Variants in KIF3B observed in about 807,000 individuals in gnomAD.
The protein encoded by KIF3B is kinesin family member 3B, also known as kinesin-like protein KIF3B.
Under a neutral mutation model 74.3 loss-of-function variants are expected in KIF3B, and 38 were observed. That is an observed-to-expected ratio of 0.51 (90% CI 0.39 to 0.67). The LOEUF is 0.67. Ranked by LOEUF, KIF3B falls within the 30% of genes least tolerant of loss-of-function variation. The pLI is 0.00. For synonymous variants in KIF3B, 326 were observed against 342.5 expected (o/e 0.95, Z 0.53); for missense variants, 649 against 932.0 (o/e 0.70, Z 3.95).
intron 1 of KIF3B, among the ~76,000 whole-genome samples, chr20:32,298,134 T>TA: frequency 6.6e-6 from 1 of 150,420 alleles, no homozygotes; most frequent in East Asian, 2.0e-4. Context: ...TGTTGTTTTT[T>TA]TGAATTAAAA....
intron 5 of KIF3B, among the ~76,000 whole-genome samples, chr20:32,317,519 C>T (rs966560691): frequency 2.6e-5 from 4 of 152,098 alleles, no homozygotes; most frequent in African/African-American, 9.7e-5. Context: ...GTACCCATCA[C>T]CCAGATTCAA....
At chr20:32,285,633 C>T (rs950041080) in intron 1 of KIF3B, among the ~76,000 whole-genome samples, 9 of 152,302 alleles carry the variant, frequency 5.9e-5, no homozygotes, top group Middle Eastern at 3.4e-3. Flanking sequence ...GTGACTCAAC[C>T]TCTCTAGGCC....
chr20:32,308,291 A>T (rs1472441506), intron 1 of KIF3B, among the ~76,000 whole-genome samples: 1 of 152,166 alleles, frequency 6.6e-6, no homozygotes, highest in Non-Finnish European at 1.5e-5. Flanking sequence ...TGACACGATC[A>T]TAGCTCACTG....
rs114064369 is a variant in KIF3B at position 32,329,644 on chromosome 20, T to G, written c.1969-497T>G. On this transcript the variant is annotated intron_variant, in intron 7 of 8. Coordinates refer to ENST00000375712, the MANE Select transcript of KIF3B (RefSeq NM_004798.4). ...TGGCTGAACTAGGATACACAACGTA[T>G]TAAGTTATAGAGTAATTTACACCAG... Among the ~76,000 whole-genome samples, 229 of 152,300 alleles carry G rather than the reference T, an allele frequency of 1.5e-3. 2 individuals carry two copies. Among genetic ancestry groups the G allele is most frequent in the African/African-American group, 5.1e-3 (211 of 41,564 alleles).
At chr20:32,279,966 T>TTACCTCTGAAATGATGCTCAG (rs1227021206) in intron 1 of KIF3B, among the ~76,000 whole-genome samples, 1 of 152,332 alleles carries the variant, frequency 6.6e-6, no homozygotes, top group Non-Finnish European at 1.5e-5. Flanking sequence ...AGGTGCTACT[T>TTACCTCTGAAATGATGCTCAG]TACCTCTGAA....
intron 1 of KIF3B, among the ~76,000 whole-genome samples, chr20:32,278,921 C>CTTTT (rs57355936): frequency 0.015 from 1,805 of 118,334 alleles, 59 homozygotes; most frequent in East Asian, 0.043. Flanking sequence ...CTTAAGAATC[C>CTTTT]TTTTTTTTTT....
At position 32,299,394 on chromosome 20, in the gene KIF3B, TATATA is replaced by T. The variant is rs1291830502; in HGVS notation, c.-65-10318_-65-10314del. On this transcript the variant is annotated intron_variant, in intron 1 of 8. Coordinates refer to ENST00000375712, the MANE Select transcript of KIF3B (RefSeq NM_004798.4). ...TGGTGTGTGTGTATATATATATATA[TATATA>T]TATATTTTTTTTTTTTTTTTTTTTT... is the stretch of plus-strand genomic sequence containing the variant. Among the ~76,000 whole-genome samples, 29 of 54,830 alleles carry T rather than the reference TATATA, an allele frequency of 5.3e-4. No homozygotes were observed. The East Asian group carries it at 7.6e-3, about 14-fold the overall frequency. The allele number at this position is 54,830 out of a possible 152,430, so 36.0% of individuals were successfully genotyped here. A position where few individuals can be genotyped will look rare whatever the true frequency, so the allele number is the denominator to read the frequency against.
chr20:32,325,055 ATG>A (rs987137761), intron 5 of KIF3B, among the ~76,000 whole-genome samples: 8 of 152,162 alleles, frequency 5.3e-5, no homozygotes, highest in Admixed American at 6.5e-5. Context: ...AATTAATTAA[ATG>A]TGTGTGTCGG....
intron 5 of KIF3B, among the ~76,000 whole-genome samples, chr20:32,324,378 AAC>A (rs1432228642): frequency 6.6e-6 from 1 of 152,176 alleles, no homozygotes; most frequent in African/African-American, 2.4e-5. Context: ...GGGATTGTTA[AAC>A]ACAGATTGCT....
intron 1 of KIF3B, among the ~76,000 whole-genome samples, chr20:32,295,385 C>T (rs182873861): frequency 3.9e-5 from 6 of 152,116 alleles, no homozygotes; most frequent in East Asian, 3.9e-4. Context: ...CTCCGCCTCC[C>T]GGGTTCACAC....
chr20:32,321,077 GT>G (rs2047857357), intron 5 of KIF3B, among the ~76,000 whole-genome samples: 1 of 152,064 alleles, frequency 6.6e-6, no homozygotes, highest in African/African-American at 2.4e-5. Context: ...ATATCTAGTT[GT>G]TCCAGCACCA....
chr20:32,299,394 TA>T (rs2047731448), intron 1 of KIF3B, among the ~76,000 whole-genome samples: 120 of 54,796 alleles, frequency 2.2e-3, no homozygotes, highest in East Asian at 0.02. Context: ...TATATATATA[TA>T]TATATATATT....
rs971232485 is a variant in KIF3B, at chr20:32,333,449, A to T, written c.*2130A>T. ...GGACTTCAAGACCAGCCTGGCCAACATGGTGAAACCCCATCTGTACTAAAA... is the reference window on the plus strand; with the variant it reads ...GGACTTCAAGACCAGCCTGGCCAACTTGGTGAAACCCCATCTGTACTAAAA... On this transcript the variant is annotated 3_prime_UTR_variant, in exon 9 of 9. Coordinates refer to ENST00000375712, the MANE Select transcript of KIF3B (RefSeq NM_004798.4). The T allele has an allele frequency of 1.3e-5, 2 of 152,000 alleles. No individual in the cohort carries two copies. Among genetic ancestry groups the T allele is most frequent in the South Asian group, 4.1e-4 (2 of 4,822 alleles). 9.4% of individuals were successfully genotyped at this position (152,000 alleles called of 1,614,324 possible). A position where few individuals can be genotyped will look rare whatever the true frequency, so the allele number is the denominator to read the frequency against.
Position 32,331,427 on chromosome 20 carries a change from A to G in KIF3B, c.*108A>G. ...GCCCAAACTCAGAACTGTTCCCCTGAGGAGAAGCGGTGGCCTCTTTGCAGA... is the reference window on the plus strand; with the variant it reads ...GCCCAAACTCAGAACTGTTCCCCTGGGGAGAAGCGGTGGCCTCTTTGCAGA... On this transcript the variant is annotated 3_prime_UTR_variant, in exon 9 of 9. Coordinates refer to ENST00000375712, the MANE Select transcript of KIF3B (RefSeq NM_004798.4). The G allele has an allele frequency of 1.2e-6, 1 of 846,432 alleles. No individual in the cohort carries two copies. Among genetic ancestry groups the G allele is most frequent in the Non-Finnish European group, 1.9e-6 (1 of 537,166 alleles). 52.4% of individuals were successfully genotyped at this position (846,432 alleles called of 1,614,324 possible).
Position 32,317,175 on chromosome 20 carries a change from T to A in KIF3B, c.1748+301T>A, listed in dbSNP as rs370905093. 5.9e-5 allele frequency among the ~76,000 whole-genome samples: 9 copies of A among 151,924 alleles called. No individual in the cohort carries two copies. The South Asian group carries it at 1.7e-3, about 28-fold the overall frequency. On this transcript the variant is annotated intron_variant, in intron 5 of 8. Coordinates refer to ENST00000375712, the MANE Select transcript of KIF3B (RefSeq NM_004798.4). ...TCGCTTGAACCCGGGAAGTGGAGAT[T>A]GCGGTGAGTTGATATCGTGCCACTG...
rs1321650522 is a variant in KIF3B at position 32,322,680 on chromosome 20, TTA to T, written c.1749-4083_1749-4082del. 7.8e-4 allele frequency among the ~76,000 whole-genome samples: 24 copies of T among 30,634 alleles called. 3 individuals are homozygous for T. Among genetic ancestry groups the T allele is most frequent in the Non-Finnish European group, 1.0e-3 (22 of 21,822 alleles). The allele number at this position is 30,634 out of a possible 152,430, so 20.1% of individuals were successfully genotyped here. On this transcript the variant is annotated intron_variant, in intron 5 of 8. Coordinates refer to ENST00000375712, the MANE Select transcript of KIF3B (RefSeq NM_004798.4). Reference sequence around the variant, plus strand: ...TATATTTATATATATATTTATATATTTATATATATTTATATATATTTATATAT... The same window carrying T: ...TATATTTATATATATATTTATATATTTATATATTTATATATATTTATATAT...
intron 1 of KIF3B, among the ~76,000 whole-genome samples, chr20:32,285,973 T>G (rs971512562): frequency 2.0e-5 from 3 of 152,206 alleles, no homozygotes; most frequent in Admixed American, 6.6e-5. Flanking sequence ...ATTGAGCTCT[T>G]CACACAGGAA....
At chr20:32,305,029 T>G (rs2047762772) in intron 1 of KIF3B, among the ~76,000 whole-genome samples, 1 of 151,466 alleles carries the variant, frequency 6.6e-6, no homozygotes, top group African/African-American at 2.4e-5. Flanking sequence ...GTGCCTGTAG[T>G]CCCAGCTACT....
chr20:32,332,215 T>C lies in KIF3B; in HGVS notation c.*896T>C, dbSNP rs1000353805. On this transcript the variant is annotated 3_prime_UTR_variant, in exon 9 of 9. Transcript: ENST00000375712. Reference sequence around the variant, plus strand: ...GAGCATGCTCTGCAGTGGGCCTGTTTTGTGGAAGAAAGGAGGCTGTCTCTG... The same window carrying C: ...GAGCATGCTCTGCAGTGGGCCTGTTCTGTGGAAGAAAGGAGGCTGTCTCTG... 14 of 152,676 alleles carry C rather than the reference T, an allele frequency of 9.2e-5. No individual in the cohort carries two copies. Among genetic ancestry groups the C allele is most frequent in the African/African-American group, 3.4e-4 (14 of 41,436 alleles). 9.5% of individuals were successfully genotyped at this position (152,676 alleles called of 1,614,324 possible).
Sources: allele counts gnomAD v4.1 joint callset (sites outside exome capture counted in the v4.1 genomes callset), GRCh38; gene constraint gnomAD v4.1.1; transcripts MANE v1.5; gene names NCBI Gene and HGNC (gene_info 2026-07-23, HGNC 2026-07-21).